Variants in AP3S2 observed in about 807,000 individuals in gnomAD.
AP3S2 encodes AP-3 complex subunit sigma-2.
Under a neutral mutation model 23.4 loss-of-function variants are expected in AP3S2, and 22 were observed. The observed-to-expected ratio is 0.94, with a 90% CI of 0.67 to 1.34. The LOEUF (loss-of-function observed/expected upper bound fraction) is 1.34. AP3S2 is among the 40% of genes most tolerant of loss of function. The pLI is 0.00. For missense variants in AP3S2, 241 were observed against 236.9 expected, an observed-to-expected ratio of 1.02 and a Z score of -0.11; for synonymous variants, 86 against 87.1, an observed-to-expected ratio of 0.99 and a Z score of 0.07.
chr15:89,874,889 T>G (rs1441626802), intron 3 of AP3S2, among the ~76,000 whole-genome samples: 48 of 152,218 alleles, frequency 3.2e-4, no homozygotes, highest in Admixed American at 3.1e-3. Context: ...AATGCAATTT[T>G]AAAAATAAGA....
chr15:89,888,494 C>T, intron 3 of AP3S2, 27 bp downstream of exon 3: 1 of 1,605,588 alleles, frequency 6.2e-7, no homozygotes, highest in African/African-American at 1.3e-5. Flanking sequence ...TCTAAAGCTG[C>T]TGCCATCATT....
intron 3 of AP3S2, among the ~76,000 whole-genome samples, chr15:89,886,093 G>C (rs1408249669): frequency 6.6e-6 from 1 of 152,140 alleles, no homozygotes; most frequent in Non-Finnish European, 1.5e-5. Context: ...GTTCACACCT[G>C]TAATCCCAGC....
intron 2 of AP3S2, 50 bp downstream of exon 2, chr15:89,888,999 G>T: frequency 6.2e-7 from 1 of 1,600,446 alleles, no homozygotes; most frequent in Non-Finnish European, 8.6e-7. Flanking sequence ...CAATAATGAA[G>T]GCCACTCACA....
Position 89,853,827 on chromosome 15 carries a change from T to A in AP3S2, c.346-16105A>T, listed in dbSNP as rs367769647. Among the ~76,000 whole-genome samples, 720 of 89,136 alleles carry A rather than the reference T, an allele frequency of 8.1e-3. 33 individuals are homozygous for A. The highest frequency in any genetic ancestry group is 0.066 in the Admixed American group (540 of 8,166). 58.5% of individuals were successfully genotyped at this position (89,136 alleles called of 152,430 possible). ...CCCCGTCTGGGAGGTGAGGAGCGTCTCTGCCCGGCCGCCCCGTCTGAGAAG... is the reference window on the plus strand; with the variant it reads ...CCCCGTCTGGGAGGTGAGGAGCGTCACTGCCCGGCCGCCCCGTCTGAGAAG... On this transcript the variant is annotated intron_variant, in intron 4 of 5. Coordinates refer to ENST00000336418, the MANE Select transcript of AP3S2 (RefSeq NM_005829.5).
At chr15:89,855,536 T>TA (rs199883528) in intron 4 of AP3S2, among the ~76,000 whole-genome samples, 1,629 of 136,330 alleles carry the variant, frequency 0.012, 37 homozygotes, top group African/African-American at 0.04. Flanking sequence ...AAGAATAAAT[T>TA]AAAAAAAAAA....
At position 89,888,596 on chromosome 15, in the gene AP3S2, C is replaced by T. The variant is rs966533057; in HGVS notation, c.198G>A (p.Arg66=). 3.1e-6 allele frequency: 5 copies of T among 1,614,026 alleles called. No individual in the cohort carries two copies. Among genetic ancestry groups the T allele is most frequent in the Admixed American group, 1.7e-5 (1 of 59,990 alleles). Residue 66 remains arginine, a synonymous_variant, in exon 3 of 6, where the codon CGG becomes CGA. Coordinates refer to ENST00000336418, the MANE Select transcript of AP3S2 (RefSeq NM_005829.5). ...IGGSDYKLIY[R]HYATLYFVFC... The stretch of plus-strand genomic sequence containing the variant: ...ATACAAAGTAGAGGGTAGCATAGTG[C>T]CGGTAGATCAGTTTGTAGTCAGAGC...
intron 4 of AP3S2, among the ~76,000 whole-genome samples, chr15:89,850,081 C>G (rs1041965189): frequency 6.6e-6 from 1 of 152,180 alleles, no homozygotes; most frequent in Admixed American, 6.5e-5. Context: ...CAGGAACTCT[C>G]AGGCACATAG....
intron 4 of AP3S2, among the ~76,000 whole-genome samples, chr15:89,844,255 CTT>C (rs746691564): frequency 6.3e-4 from 23 of 36,276 alleles, no homozygotes; most frequent in South Asian, 2.9e-3. Flanking sequence ...TTCTTTCTTT[CTT>C]TCTTTCTTTC....
At chr15:89,870,316 T>A (rs1168776342) in intron 4 of AP3S2, among the ~76,000 whole-genome samples, 2 of 152,110 alleles carry the variant, frequency 1.3e-5, no homozygotes, top group African/African-American at 4.8e-5. Flanking sequence ...CCCTTTCATA[T>A]GAAAGGGAGG....
At chr15:89,869,090 A>G (rs898954853) in intron 4 of AP3S2, among the ~76,000 whole-genome samples, 6 of 152,266 alleles carry the variant, frequency 3.9e-5, no homozygotes, top group Admixed American at 6.5e-5. Context: ...CTCATTGAGA[A>G]CGGGTCAGGA....
At chr15:89,871,759 T>C (rs1391030505) in intron 3 of AP3S2, among the ~76,000 whole-genome samples, 1 of 152,128 alleles carries the variant, frequency 6.6e-6, no homozygotes, top group African/African-American at 2.4e-5. Context: ...GAAAACCTTG[T>C]TTTCAGCATA....
chr15:89,837,617 C>T lies in AP3S2; in HGVS notation c.451G>A (p.Glu151Lys), dbSNP rs370559447. ...IEAQNRLEKS[E>K]GGLSAAPARA... Reference sequence around the variant, plus strand: ...CTAGAGCACAGCTGCTTACTCACCTCGGATTTCTCCAGCCTGTTTTGAGCC... The same window carrying T: ...CTAGAGCACAGCTGCTTACTCACCTTGGATTTCTCCAGCCTGTTTTGAGCC... Residue 151 changes from glutamate (E) to lysine (K), a missense_variant and splice_region_variant, in exon 5 of 6, where the codon GAG becomes AAG. Transcript: ENST00000336418. 5.6e-6 allele frequency: 9 copies of T among 1,614,028 alleles called. No homozygotes were observed. The African/African-American group carries it at 6.7e-5, about 12-fold the overall frequency.
intron 4 of AP3S2, chr15:89,848,814 G>A (rs1322007567): frequency 1.3e-5 from 2 of 152,156 alleles, no homozygotes; most frequent in Non-Finnish European, 2.9e-5. Context: ...GCACTGACGG[G>A]AAGAGAAAAT....
At position 89,893,914 on chromosome 15, in the gene AP3S2, C is replaced by T. The variant is rs1192705000; in HGVS notation, c.36G>A (p.Gly12=). The change falls in exon 1 of 6, where the codon GGG becomes GGA. Residue 12 remains glycine (G), a synonymous_variant. Coordinates refer to ENST00000336418, the MANE Select transcript of AP3S2 (RefSeq NM_005829.5). ...GGTAGAAGCGGACTAGCCGTGGCTT[C>T]CCATGGTTGTTGAAAACCAGAATCG... The part of the protein sequence containing the change: ...IQAILVFNNH[G]KPRLVRFYQR... The T allele has an allele frequency of 1.3e-6, 2 of 1,551,602 alleles. No homozygotes were observed. Among genetic ancestry groups the T allele is most frequent in the Non-Finnish European group, 1.7e-6 (2 of 1,147,006 alleles).
At chr15:89,886,805 C>CT (rs957572497) in intron 3 of AP3S2, among the ~76,000 whole-genome samples, 20 of 151,736 alleles carry the variant, frequency 1.3e-4, no homozygotes, top group Non-Finnish European at 2.8e-4. Context: ...AGCTTTTTTT[C>CT]TTTTTTTGAG....
At chr15:89,850,957 CT>C (rs1029813236) in intron 4 of AP3S2, among the ~76,000 whole-genome samples, 2 of 152,156 alleles carry the variant, frequency 1.3e-5, no homozygotes, top group Non-Finnish European at 2.9e-5. Flanking sequence ...TCAAGCAATC[CT>C]TCTGTTTCAA....
chr15:89,877,236 A>G (rs1896463320), intron 3 of AP3S2: 9 of 1,015,386 alleles, frequency 8.9e-6, no homozygotes, highest in Non-Finnish European at 1.1e-5. Context: ...AGACCCACAC[A>G]TAAAGAGGAA....
intron 4 of AP3S2, among the ~76,000 whole-genome samples, chr15:89,866,134 C>A (rs2141872740): frequency 6.6e-6 from 1 of 151,878 alleles, no homozygotes; most frequent in East Asian, 2.0e-4. Context: ...TGGTGGCAGG[C>A]ACCTGTAGTC....
chr15:89,844,537 T>C (rs1396347217), intron 4 of AP3S2, among the ~76,000 whole-genome samples: 1 of 151,144 alleles, frequency 6.6e-6, no homozygotes, highest in East Asian at 2.0e-4. Flanking sequence ...TAAGTAGAGA[T>C]GAGGTCTTGC....
Sources: gnomAD v4.1 joint callset for allele counts (sites outside exome capture counted in the v4.1 genomes callset) on GRCh38, gnomAD v4.1.1 for gene constraint, MANE v1.5 for transcripts, NCBI Gene and HGNC (gene_info 2026-07-23, HGNC 2026-07-21) for gene names.